The following NRP1 variants were observed in gnomAD, a reference collection of about 807,000 sequenced individuals.
NRP1 encodes neuropilin 1.
NRP1 carries 35 observed loss-of-function variants against 106.7 expected under a neutral mutation model. That is an observed-to-expected ratio of 0.33 (90% CI 0.25 to 0.43). The LOEUF is 0.43. Ranked by LOEUF, NRP1 falls within the 20% of genes least tolerant of loss-of-function variation. NRP1 has a pLI of 1.00. For synonymous variants in NRP1, 437 were observed against 417.9 expected, an observed-to-expected ratio of 1.05 and a Z score of -0.56; for missense variants, 1,024 against 1,170.4, an observed-to-expected ratio of 0.87 and a Z score of 1.83.
chr10:33,227,903 T>C (rs1386251423), intron 6 of NRP1, among the ~76,000 whole-genome samples: 1 of 152,138 alleles, frequency 6.6e-6, no homozygotes, highest in Non-Finnish European at 1.5e-5. Context: ...AAGACTCTTT[T>C]CCACTCTGAC....
At chr10:33,253,202 T>C (rs569716746) in intron 6 of NRP1, among the ~76,000 whole-genome samples, 1 of 152,290 alleles carries the variant, frequency 6.6e-6, no homozygotes, top group Admixed American at 6.5e-5. Context: ...AACTCAGGAC[T>C]GTCAGCATCA....
intron 6 of NRP1, among the ~76,000 whole-genome samples, chr10:33,249,084 GTTTTTTTT>G (rs750905931): frequency 4.2e-5 from 3 of 72,202 alleles, no homozygotes; most frequent in South Asian, 5.9e-4. Context: ...TATGTCTCTT[GTTTTTTTT>G]TTTTTTTTTT....
intron 2 of NRP1, among the ~76,000 whole-genome samples, chr10:33,293,440 A>C (rs1845145860): frequency 6.6e-6 from 1 of 152,276 alleles, no homozygotes; most frequent in South Asian, 2.1e-4. Context: ...AATTAATTTC[A>C]TTGTGCCAGA....
At chr10:33,315,307 T>G (rs867959897) in intron 2 of NRP1, among the ~76,000 whole-genome samples, 1 of 152,060 alleles carries the variant, frequency 6.6e-6, no homozygotes, top group Non-Finnish European at 1.5e-5. Context: ...CCCAGGAAAA[T>G]GAAGGGTTTA....
chr10:33,298,756 T>C (rs1362178410), intron 2 of NRP1, among the ~76,000 whole-genome samples: 1 of 152,190 alleles, frequency 6.6e-6, no homozygotes, highest in Non-Finnish European at 1.5e-5. Flanking sequence ...AGAAAGATAG[T>C]ATCTTGCAGT....
chr10:33,290,723 C>T (rs1310624694), intron 2 of NRP1, among the ~76,000 whole-genome samples: 2 of 152,148 alleles, frequency 1.3e-5, no homozygotes, highest in East Asian at 3.8e-4. Context: ...CCGATTATTA[C>T]ATCAAGATTC....
At chr10:33,295,421 T>C (rs1443511901) in intron 2 of NRP1, among the ~76,000 whole-genome samples, 1 of 152,182 alleles carries the variant, frequency 6.6e-6, no homozygotes, top group Non-Finnish European at 1.5e-5. Flanking sequence ...AAGATTTTCT[T>C]CCCAGACCAG....
In NRP1 at chr10:33,307,694, A is replaced by G. The variant is rs189772848; in HGVS notation, c.248+23014T>C. 2.9e-3 allele frequency among the ~76,000 whole-genome samples: 447 copies of G among 152,336 alleles called. 7 individuals carry two copies. The highest frequency in any genetic ancestry group is 2.6e-3 in the Non-Finnish European group (174 of 68,040). The stretch of plus-strand genomic sequence containing the variant: ...CATACATCAAGATTTATGCATACAG[A>G]TGTTCATTCCATCATAATTTATAAT... On this transcript the variant is annotated intron_variant, in intron 2 of 16. Transcript: ENST00000374867.
chr10:33,259,352 A>G (rs1842420672), intron 4 of NRP1, among the ~76,000 whole-genome samples: 1 of 152,152 alleles, frequency 6.6e-6, no homozygotes, highest in East Asian at 1.9e-4. Flanking sequence ...ACTATAATAC[A>G]AAGAAGTATT....
intron 6 of NRP1, among the ~76,000 whole-genome samples, chr10:33,252,536 G>T (rs1282729019): frequency 1.3e-5 from 2 of 151,954 alleles, no homozygotes; most frequent in African/African-American, 4.8e-5. Flanking sequence ...TTTCAGCAGC[G>T]GGGCACTGAA....
At chr10:33,226,343 C>T (rs1377871851) in intron 6 of NRP1, 54 bp from the exon 7 acceptor site, 16 of 1,589,462 alleles carry the variant, frequency 1.0e-5, no homozygotes, top group Non-Finnish European at 1.0e-5. Context: ...CACAGTAACC[C>T]AAAGCATCTT....
intron 7 of NRP1, among the ~76,000 whole-genome samples, chr10:33,222,528 TTTATTTA>T (rs770699703): frequency 0.13 from 19,988 of 149,752 alleles, 1,700 homozygotes; most frequent in East Asian, 0.5. Flanking sequence ...TATTTATTTA[TTTATTTA>T]TTTAAGATGG....
At chr10:33,254,217 C>T in intron 5 of NRP1, 23 bp from the exon 6 acceptor site, 1 of 1,586,456 alleles carries the variant, frequency 6.3e-7, no homozygotes, top group Non-Finnish European at 8.5e-7. Context: ...ACAGGGCCCA[C>T]AGTCATCAAA....
chr10:33,317,135 T>C (rs1329936182), intron 2 of NRP1, among the ~76,000 whole-genome samples: 1 of 152,236 alleles, frequency 6.6e-6, no homozygotes, highest in Non-Finnish European at 1.5e-5. Context: ...ATCCCTTCTA[T>C]TGGGTCTCCC....
intron 16 of NRP1, among the ~76,000 whole-genome samples, chr10:33,181,409 G>A (rs1381635474): frequency 6.6e-6 from 1 of 152,156 alleles, no homozygotes; most frequent in African/African-American, 2.4e-5. Context: ...TAACAGCAAG[G>A]TGCAATATTT....
At chr10:33,259,034 C>G (rs1376184110) in intron 4 of NRP1, among the ~76,000 whole-genome samples, 1 of 152,160 alleles carries the variant, frequency 6.6e-6, no homozygotes, top group Non-Finnish European at 1.5e-5. Flanking sequence ...AGCCGCTGAC[C>G]TCCCCCAGAA....
At chr10:33,218,338 CTTTCT>C (rs141631897) in intron 8 of NRP1, among the ~76,000 whole-genome samples, 40,510 of 148,358 alleles carry the variant, frequency 0.27, 5,554 homozygotes, top group East Asian at 0.6. Flanking sequence ...TTTCTTTTTT[CTTTCT>C]TTTTTTTTTT....
intron 2 of NRP1, among the ~76,000 whole-genome samples, chr10:33,329,057 T>C (rs1848088874): frequency 6.6e-6 from 1 of 152,154 alleles, no homozygotes; most frequent in African/African-American, 2.4e-5. Flanking sequence ...ACTAATGAAG[T>C]AAATCAAATA....
At chr10:33,267,692 G>A (rs1843016006) in intron 3 of NRP1, among the ~76,000 whole-genome samples, 1 of 152,090 alleles carries the variant, frequency 6.6e-6, no homozygotes, top group African/African-American at 2.4e-5. Context: ...AGAGATCAGT[G>A]GGGAGGCTTG....
Sources: gnomAD v4.1 joint callset for allele counts (sites outside exome capture counted in the v4.1 genomes callset) on GRCh38, gnomAD v4.1.1 for gene constraint, MANE v1.5 for transcripts, NCBI Gene and HGNC (gene_info 2026-07-23, HGNC 2026-07-21) for gene names.